TF: variants seen among roughly 807,000 people sequenced by gnomAD.
The protein encoded by TF is transferrin.
TF carries 55 observed loss-of-function variants against 82.4 expected under a neutral mutation model. That is an observed-to-expected ratio of 0.67 (90% CI 0.54 to 0.84). TF has a LOEUF of 0.84. Ranked by LOEUF, TF falls within the 40% of genes least tolerant of loss-of-function variation. The probability of loss-of-function intolerance (pLI) is 0.00; values close to 1 mark genes in which losing one functional copy is unlikely to be tolerated. For synonymous variants in TF, 332 were observed against 332.6 expected (o/e 1.00, Z 0.02); for missense variants, 737 against 868.4 (o/e 0.85, Z 1.90).
At chr3:133,774,749 A>G in intron 14 of TF, 1 of 198,434 alleles carries the variant, frequency 5.0e-6, no homozygotes, top group South Asian at 8.8e-5. Flanking sequence ...TAAATGAAAA[A>G]TACATTTTTA....
At chr3:133,765,623 C>G (rs1934109109) in intron 11 of TF, among the ~76,000 whole-genome samples, 1 of 152,148 alleles carries the variant, frequency 6.6e-6, no homozygotes, top group Admixed American at 6.5e-5. Flanking sequence ...GAGCTAAGCC[C>G]TTCAGCAGAT....
Position 133,755,506 on chromosome 3 carries a change from T to C in TF, c.635+11T>C. 6.2e-7 allele frequency: 1 copy of C among 1,613,898 alleles called. No homozygotes were observed. The highest frequency in any genetic ancestry group is 8.5e-7 in the Non-Finnish European group (1 of 1,179,958). On this transcript the variant is annotated intron_variant, in intron 5 of 16. Transcript: ENST00000402696. ...CTCGGGAGCCTTCAAGTGAGTGAGA[T>C]GTCTGCTGCTCCATGGTGGCCAAAG...
chr3:133,757,017 C>G lies in TF; in HGVS notation c.870+8C>G. On this transcript the variant is annotated splice_region_variant and intron_variant, in intron 7 of 16. Coordinates refer to ENST00000402696, the MANE Select transcript of TF (RefSeq NM_001063.4). The stretch of plus-strand genomic sequence containing the variant: ...CTTCTCAACCAGGCCCAGGTATCCC[C>G]ACCTGCCATCCTCCCCTCCAGCTTA... The G allele has an allele frequency of 6.2e-7, 1 of 1,614,168 alleles. No homozygotes were observed. The highest frequency in any genetic ancestry group is 8.5e-7 in the Non-Finnish European group (1 of 1,180,028).
rs535983607 is a variant in TF at position 133,792,777 on chromosome 3, T to C, written c.*14157T>C. On this transcript the variant is annotated 3_prime_UTR_variant, in exon 17 of 17. Coordinates refer to ENST00000402696, the MANE Select transcript of TF (RefSeq NM_001063.4). ...TTTTAAGTTAGGATAAAGCTAAAAG[T>C]TTGAATGAGTTGTGGAAGATTTATA... The C allele has an allele frequency of 6.6e-6, 1 of 152,238 alleles. No homozygotes were observed. Among genetic ancestry groups the C allele is most frequent in the African/African-American group, 2.4e-5 (1 of 41,540 alleles). The allele number at this position is 152,238 out of a possible 1,614,324, so 9.4% of individuals were successfully genotyped here.
At chr3:133,666,380 C>A in the TF span, among the ~76,000 whole-genome samples, 26 of 152,058 alleles carry the variant, frequency 1.7e-4, no homozygotes, top group African/African-American at 5.6e-4. Context: ...ACCATATTGG[C>A]CAGGCTGGTC....
At chr3:133,681,465 G>T in the TF span, among the ~76,000 whole-genome samples, 5,481 of 152,272 alleles carry the variant, frequency 0.036, 336 homozygotes, top group African/African-American at 0.13. Flanking sequence ...GGGAAGCCGT[G>T]ACAGACGGCA....
At chr3:133,696,645 A>G in the TF span, among the ~76,000 whole-genome samples, 1 of 152,242 alleles carries the variant, frequency 6.6e-6, no homozygotes, top group Non-Finnish European at 1.5e-5. Context: ...ATTCTCCTGA[A>G]CATTTCATTA....
the TF span, among the ~76,000 whole-genome samples, chr3:133,676,253 C>T: frequency 3.9e-5 from 6 of 152,090 alleles, no homozygotes; most frequent in African/African-American, 7.2e-5. Flanking sequence ...CTAATAATTG[C>T]GTTTTCACAA....
At chr3:133,755,553 G>T in intron 5 of TF, 58 bp downstream of exon 5, 1 of 1,609,976 alleles carries the variant, frequency 6.2e-7, no homozygotes, top group South Asian at 1.1e-5. Context: ...CTCAGGGTGA[G>T]AGTTCTTTGC....
the TF span, among the ~76,000 whole-genome samples, chr3:133,716,996 G>T: frequency 6.6e-6 from 1 of 152,098 alleles, no homozygotes; most frequent in East Asian, 1.9e-4. Context: ...ATTTCTCAGG[G>T]CAGACTTTCC....
the TF span, among the ~76,000 whole-genome samples, chr3:133,666,953 G>A: frequency 2.6e-5 from 4 of 151,954 alleles, no homozygotes; most frequent in Non-Finnish European, 4.4e-5. Flanking sequence ...GGACAATGGC[G>A]TGAACCTGGG....
At position 133,796,072 on chromosome 3, in the gene TF, T is replaced by C. The variant is rs1934962256; in HGVS notation, c.*17452T>C. 1 of 152,958 alleles carries C rather than the reference T, an allele frequency of 6.5e-6. No individual in the cohort carries two copies. The highest frequency in any genetic ancestry group is 1.5e-5 in the Non-Finnish European group (1 of 68,074). 9.5% of individuals were successfully genotyped at this position (152,958 alleles called of 1,614,324 possible). ...TACAAATCTCTATAACAAACATTCC[T>C]GACAGCATAGATATCCACCCCCTGA... On this transcript the variant is annotated 3_prime_UTR_variant, in exon 17 of 17. Coordinates refer to ENST00000402696, the MANE Select transcript of TF (RefSeq NM_001063.4).
chr3:133,728,218 A>T, the TF span, among the ~76,000 whole-genome samples: 1 of 152,056 alleles, frequency 6.6e-6, no homozygotes, highest in African/African-American at 2.4e-5. Context: ...TAGATTGGGG[A>T]AGTTCTCCTG....
At chr3:133,741,140 C>T (rs1933381509), upstream of TF, among the ~76,000 whole-genome samples, 1 of 151,720 alleles carries the variant, frequency 6.6e-6, no homozygotes, top group South Asian at 2.1e-4. Flanking sequence ...TACAGGTGTG[C>T]ACCACCACAC....
the TF span, among the ~76,000 whole-genome samples, chr3:133,670,799 A>G: frequency 2.0e-5 from 3 of 152,202 alleles, no homozygotes; most frequent in Non-Finnish European, 2.9e-5. Flanking sequence ...TTCCTTTCAA[A>G]TGTATGAGTA....
chr3:133,791,558 A>C lies in TF; in HGVS notation c.*12938A>C, dbSNP rs1934833510. The C allele has an allele frequency of 6.6e-6, 1 of 152,204 alleles. No homozygotes were observed. The highest frequency in any genetic ancestry group is 1.5e-5 in the Non-Finnish European group (1 of 68,038). The allele number at this position is 152,204 out of a possible 1,614,324, so 9.4% of individuals were successfully genotyped here. Reference sequence around the variant, plus strand: ...AAGTTTTGATTAATATAAAAAAAGAATTCTGAGGCCGATCTTAAGCTGTAG... The same window carrying C: ...AAGTTTTGATTAATATAAAAAAAGACTTCTGAGGCCGATCTTAAGCTGTAG... On this transcript the variant is annotated 3_prime_UTR_variant, in exon 17 of 17. Coordinates refer to ENST00000402696, the MANE Select transcript of TF (RefSeq NM_001063.4).
At chr3:133,724,501 T>C in the TF span, among the ~76,000 whole-genome samples, 1 of 152,220 alleles carries the variant, frequency 6.6e-6, no homozygotes, top group Admixed American at 6.5e-5. Context: ...TTGATGGGGT[T>C]GTTTGGTTTT....
the TF span, chr3:133,699,542 C>T: frequency 1.1e-6 from 1 of 899,116 alleles, no homozygotes; most frequent in Admixed American, 1.9e-5. Flanking sequence ...GCCATTTGGC[C>T]TGGGTCCTTT....
At chr3:133,689,500 C>T in the TF span, among the ~76,000 whole-genome samples, 1 of 151,988 alleles carries the variant, frequency 6.6e-6, no homozygotes, top group African/African-American at 2.4e-5. Context: ...AAAGTTTAAT[C>T]AAAATACAGC....
Sources: allele counts gnomAD v4.1 joint callset (sites outside exome capture counted in the v4.1 genomes callset), GRCh38; gene constraint gnomAD v4.1.1; transcripts MANE v1.5; gene names NCBI Gene and HGNC (gene_info 2026-07-23, HGNC 2026-07-21).